The following NUPR2 variants were observed in gnomAD, a reference collection of about 807,000 sequenced individuals.
The protein encoded by NUPR2 is nuclear protein 2, transcriptional regulator, also known as nuclear protein 2.
Under a neutral mutation model 7.3 loss-of-function variants are expected in NUPR2, and 14 were observed. The ratio of observed to expected loss-of-function variants is 1.93; its 90% CI spans 1.27 to 3.01. The LOEUF (loss-of-function observed/expected upper bound fraction) is 3.01. NUPR2 is among the 30% of genes most tolerant of loss of function. The pLI, the probability that NUPR2 is intolerant of heterozygous loss-of-function variation, is 0.00. For synonymous variants in NUPR2, 56 were observed against 59.7 expected (o/e 0.94, Z 0.29); for missense variants, 162 against 143.7 (o/e 1.13, Z -0.65).
In NUPR2 at chr7:56,116,106, C is replaced by T. The variant is rs1211447947; in HGVS notation, c.209G>A (p.Arg70His). The stretch of plus-strand genomic sequence containing the variant: ...ATTGAGGAGCTTCTGCGCGACCTTG[C>T]GCTCGTGCCCGCCAGGTGCAGGCCA... The part of the protein sequence containing the change: ...TNWPAPGGHE[R>H]KVAQKLLNGQ... The change falls in exon 1 of 2, where the codon CGC becomes CAC. Residue 70 changes from arginine (R) to histidine (H), a missense_variant. Physicochemically the swap from Arg to His is conservative, Grantham distance 29 (BLOSUM62 0). Transcript: ENST00000329309. 6 of 1,539,804 alleles carry T rather than the reference C, an allele frequency of 3.9e-6. No individual in the cohort carries two copies. The African/African-American group carries it at 5.6e-5, about 14-fold the overall frequency.
rs1263692050 is a variant in NUPR2, at chr7:56,114,831, C to A, written c.*73G>T. ...AAGTTCTGTTGACCAAACATGGATT[C>A]TCTCCTCCTCAGAACCAAGTTACAG... On this transcript the variant is annotated 3_prime_UTR_variant, in exon 2 of 2. Transcript: ENST00000329309. 2.0e-5 allele frequency: 3 copies of A among 152,248 alleles called. No individual in the cohort carries two copies. The highest frequency in any genetic ancestry group is 4.4e-5 in the Non-Finnish European group (3 of 68,050). The allele number at this position is 152,248 out of a possible 1,614,324, so 9.4% of individuals were successfully genotyped here.
Position 56,116,203 on chromosome 7 carries a change from G to T in NUPR2, c.112C>A (p.Arg38Ser). 1 of 1,548,854 alleles carries T rather than the reference G, an allele frequency of 6.5e-7. No individual in the cohort carries two copies. Among genetic ancestry groups the T allele is most frequent in the Non-Finnish European group, 8.7e-7 (1 of 1,145,962 alleles). Residue 38 changes from arginine to serine, a missense_variant, in exon 1 of 2, where the codon CGC (arginine) becomes AGC (serine). By Grantham distance (110) the Arg-to-Ser change is moderately radical. Coordinates refer to ENST00000329309, the MANE Select transcript of NUPR2 (RefSeq NM_001145712.2). ...LYDCLDYYYLRDFPACGAGRS... is the reference protein window; with the variant it reads ...LYDCLDYYYLSDFPACGAGRS... ...CCTGCCCCGCAGGCCGGGAAGTCGC[G>T]CAGGTAGTAGTAGTCCAGGCAGTCG...
At position 56,116,206 on chromosome 7, in the gene NUPR2, GGTA is replaced by G; in HGVS notation, c.106_108del (p.Tyr36del). 6.5e-7 allele frequency: 1 copy of G among 1,548,732 alleles called. No individual in the cohort carries two copies. The highest frequency in any genetic ancestry group is 1.4e-5 in the African/African-American group (1 of 72,494). On this transcript the variant is annotated inframe_deletion, in exon 1 of 2. Coordinates refer to ENST00000329309, the MANE Select transcript of NUPR2 (RefSeq NM_001145712.2). ...GCCCCGCAGGCCGGGAAGTCGCGCA[GGTA>G]GTAGTAGTCCAGGCAGTCGTAAAGC...
At position 56,114,725 on chromosome 7, in the gene NUPR2, C is replaced by T. The variant is rs1037493259; in HGVS notation, c.*179G>A. ...TTTTAATTAATAAACTCTAAAAAGG[C>T]TAATCCACTTGGGCACTACTTAATT... On this transcript the variant is annotated 3_prime_UTR_variant, in exon 2 of 2. Transcript: ENST00000329309. 6.6e-6 allele frequency: 1 copy of T among 151,952 alleles called. No individual in the cohort carries two copies. The highest frequency in any genetic ancestry group is 6.6e-5 in the Admixed American group (1 of 15,218). The allele number at this position is 151,952 out of a possible 1,614,324, so 9.4% of individuals were successfully genotyped here.
In NUPR2 at chr7:56,115,437, G is replaced by GTATATATATATATA. The variant is rs1320810978; in HGVS notation, c.*7-541_*7-540insTATATATATATATA. Among the ~76,000 whole-genome samples the GTATATATATATATA allele has an allele frequency of 5.5e-4, 8 of 14,598 alleles. 1 individual carries two copies. The highest frequency in any genetic ancestry group is 7.5e-4 in the African/African-American group (2 of 2,654). The allele number at this position is 14,598 out of a possible 152,430, so 9.6% of individuals were successfully genotyped here. On this transcript the variant is annotated intron_variant, in intron 1 of 1. Transcript: ENST00000329309. ...TATATATATATATATATTTGTGTGT[G>GTATATATATATATA]TGTGTGTGTGTGTGTGTGTGTGTGT...
In NUPR2 at chr7:56,116,152, C is replaced by G; in HGVS notation, c.163G>C (p.Glu55Gln). The G allele has an allele frequency of 6.5e-7, 1 of 1,547,084 alleles. No individual in the cohort carries two copies. The highest frequency in any genetic ancestry group is 2.0e-5 in the Admixed American group (1 of 50,798). ...GGCCAGTTGGTGCGCAGCGCCTGCT[C>G]GCGCCGAGTCCGGCCCTTGCTGCGC... ...AGRSKGRTRR[E>Q]QALRTNWPAP... The change falls in exon 1 of 2, where the codon GAG (glutamate) becomes CAG (glutamine). Residue 55 changes from glutamate (E) to glutamine (Q), a missense_variant. By Grantham distance (29) the Glu-to-Gln change is conservative. Transcript: ENST00000329309.
At position 56,116,305 on chromosome 7, in the gene NUPR2, G is replaced by C. The variant is rs1785552999; in HGVS notation, c.10C>G (p.Pro4Ala). ...AGACGTGGAAGCGCCCGCTCTGCGG[G>C]CGCTTCCATCCTGCCCAGGCCTGTG... Reference protein sequence around the residue: MEAPAERALPRLQA... With the variant: MEAAAERALPRLQA... Residue 4 changes from proline to alanine, a missense_variant, in exon 1 of 2, where the codon CCC becomes GCC. Physicochemically the swap from Pro to Ala is conservative, Grantham distance 27 (BLOSUM62 -1). Transcript: ENST00000329309. 9 of 1,441,232 alleles carry C rather than the reference G, an allele frequency of 6.2e-6. No homozygotes were observed. The highest frequency in any genetic ancestry group is 6.3e-6 in the Non-Finnish European group (7 of 1,104,520). The allele number at this position is 1,441,232 out of a possible 1,614,324, so 89.3% of individuals were successfully genotyped here.
chr7:56,115,480 G>A (rs1371415459), intron 1 of NUPR2, among the ~76,000 whole-genome samples: 2 of 46,744 alleles, frequency 4.3e-5, no homozygotes, highest in South Asian at 7.6e-4. Context: ...TGTGTGTGAC[G>A]GAGTCTCGCT....
rs1562891898 is a variant in NUPR2, at chr7:56,115,439, G to GTATATATATATATATATT, written c.*7-543_*7-542insAATATATATATATATATA. Among the ~76,000 whole-genome samples the GTATATATATATATATATT allele has an allele frequency of 3.4e-4, 12 of 34,976 alleles. No homozygotes were observed. In the East Asian group the frequency reaches 9.6e-3, roughly 28 times the overall value. The allele number at this position is 34,976 out of a possible 152,430, so 22.9% of individuals were successfully genotyped here. On this transcript the variant is annotated intron_variant, in intron 1 of 1. Coordinates refer to ENST00000329309, the MANE Select transcript of NUPR2 (RefSeq NM_001145712.2). ...TATATATATATATATTTGTGTGTGTGTGTGTGTGTGTGTGTGTGTGTGTGT... is the reference window on the plus strand; with the variant it reads ...TATATATATATATATTTGTGTGTGTGTATATATATATATATATTTGTGTGTGTGTGTGTGTGTGTGTGT...
Position 56,115,625 on chromosome 7 carries a change from T to TATATATA in NUPR2, c.*6+389_*6+390insTATATAT, listed in dbSNP as rs1310935505. On this transcript the variant is annotated intron_variant, in intron 1 of 1. Coordinates refer to ENST00000329309, the MANE Select transcript of NUPR2 (RefSeq NM_001145712.2). The stretch of plus-strand genomic sequence containing the variant: ...CGCGCACCACAGTGCCTGGCTAATT[T>TATATATA]TATATATATATATATATATATATTT... Among the ~76,000 whole-genome samples the TATATATA allele has an allele frequency of 6.7e-5, 7 of 105,210 alleles. 1 individual carries two copies. Among genetic ancestry groups the TATATATA allele is most frequent in the African/African-American group, 2.7e-4 (7 of 26,280 alleles). 69.0% of individuals were successfully genotyped at this position (105,210 alleles called of 152,430 possible).
chr7:56,116,115 C>T lies in NUPR2; in HGVS notation c.200G>A (p.Gly67Glu). 4 of 1,541,578 alleles carry T rather than the reference C, an allele frequency of 2.6e-6. No homozygotes were observed. In the Middle Eastern group the frequency reaches 5.2e-4, roughly 201 times the overall value. ...CTTCTGCGCGACCTTGCGCTCGTGC[C>T]CGCCAGGTGCAGGCCAGTTGGTGCG... ...ALRTNWPAPG[G>E]HERKVAQKLL... The change falls in exon 1 of 2, where the codon GGG (glycine) becomes GAG (glutamate). Residue 67 changes from glycine (G) to glutamate (E), a missense_variant. Gly to Glu is a moderately conservative substitution (Grantham distance 98, BLOSUM62 -2). Transcript: ENST00000329309.
rs57272607 is a variant in NUPR2 at position 56,115,625 on chromosome 7, TTATATA to T, written c.*6+384_*6+389del. ...CGCGCACCACAGTGCCTGGCTAATT[TTATATA>T]TATATATATATATATATTTTAGTAG... On this transcript the variant is annotated intron_variant, in intron 1 of 1. Coordinates refer to ENST00000329309, the MANE Select transcript of NUPR2 (RefSeq NM_001145712.2). Among the ~76,000 whole-genome samples the T allele has an allele frequency of 7.7e-4, 81 of 105,184 alleles. 5 individuals are homozygous for T. Among genetic ancestry groups the T allele is most frequent in the African/African-American group, 2.2e-3 (58 of 26,274 alleles). The allele number at this position is 105,184 out of a possible 152,430, so 69.0% of individuals were successfully genotyped here.
Position 56,115,429 on chromosome 7 carries a change from T to TTGTG in NUPR2, c.*7-536_*7-533dup, listed in dbSNP as rs59426127. On this transcript the variant is annotated intron_variant, in intron 1 of 1. Transcript: ENST00000329309. ...TATATATATATATATATATATATAT[T>TTGTG]TGTGTGTGTGTGTGTGTGTGTGTGT... is the stretch of plus-strand genomic sequence containing the variant. 2.7e-3 allele frequency among the ~76,000 whole-genome samples: 83 copies of TTGTG among 31,000 alleles called. 13 individuals carry two copies. Among genetic ancestry groups the TTGTG allele is most frequent in the Non-Finnish European group, 3.7e-3 (68 of 18,440 alleles). The allele number at this position is 31,000 out of a possible 152,430, so 20.3% of individuals were successfully genotyped here. A position where few individuals can be genotyped will look rare whatever the true frequency, so the allele number is the denominator to read the frequency against.
chr7:56,115,243 T>C (rs1785519878), intron 1 of NUPR2, among the ~76,000 whole-genome samples: 2 of 150,178 alleles, frequency 1.3e-5, no homozygotes, highest in Non-Finnish European at 1.5e-5. Context: ...GCCCAATTAC[T>C]TTCTTCAGTC....
Position 56,114,939 on chromosome 7 carries a change from T to C in NUPR2, c.*7-42A>G, listed in dbSNP as rs548358259. 1.1e-3 allele frequency: 161 copies of C among 152,260 alleles called. 4 individuals are homozygous for C. The highest frequency in any genetic ancestry group is 0.01 in the Admixed American group (159 of 15,290). The allele number at this position is 152,260 out of a possible 1,614,324, so 9.4% of individuals were successfully genotyped here. ...CAAAAACGCAGGTCATTTACTTTTT[T>C]GTTTTTCTTTTTTTGACACAGGGTC... On this transcript the variant is annotated intron_variant, in intron 1 of 1. Transcript: ENST00000329309.
Position 56,116,315 on chromosome 7 carries a change from C to A in NUPR2, c.-1G>T. The A allele has an allele frequency of 1.5e-6, 2 of 1,357,158 alleles. No homozygotes were observed. Among genetic ancestry groups the A allele is most frequent in the Non-Finnish European group, 1.9e-6 (2 of 1,048,372 alleles). The allele number at this position is 1,357,158 out of a possible 1,614,324, so 84.1% of individuals were successfully genotyped here. A position where few individuals can be genotyped will look rare whatever the true frequency, so the allele number is the denominator to read the frequency against. On this transcript the variant is annotated 5_prime_UTR_variant, in exon 1 of 2. Coordinates refer to ENST00000329309, the MANE Select transcript of NUPR2 (RefSeq NM_001145712.2). ...GCGCCCGCTCTGCGGGCGCTTCCAT[C>A]CTGCCCAGGCCTGTGGCCACCGGCG...
chr7:56,116,276 C>G lies in NUPR2; in HGVS notation c.39G>C (p.Gln13His). The change falls in exon 1 of 2, where the codon CAG becomes CAC. Residue 13 changes from glutamine to histidine, a missense_variant. By Grantham distance (24) the Gln-to-His change is conservative. Transcript: ENST00000329309. ...APAERALPRL[Q>H]ALARPPPPIS... is the part of the protein sequence containing the mutation. ...TGGGTGGCGGCGGCCGAGCCAGAGC[C>G]TGCAGACGTGGAAGCGCCCGCTCTG... 6.6e-7 allele frequency: 1 copy of G among 1,504,532 alleles called. No homozygotes were observed. The highest frequency in any genetic ancestry group is 8.8e-7 in the Non-Finnish European group (1 of 1,130,480). 93.2% of individuals were successfully genotyped at this position (1,504,532 alleles called of 1,614,324 possible).
At chr7:56,115,435 G>GTATATATA (rs1306832660) in intron 1 of NUPR2, among the ~76,000 whole-genome samples, 1 of 32,230 alleles carries the variant, frequency 3.1e-5, no homozygotes, top group African/African-American at 1.6e-4. Flanking sequence ...ATATTTGTGT[G>GTATATATA]TGTGTGTGTG....
intron 1 of NUPR2, among the ~76,000 whole-genome samples, chr7:56,115,334 G>A (rs572471119): frequency 5.8e-4 from 82 of 140,878 alleles, no homozygotes; most frequent in African/African-American, 2.2e-3. Flanking sequence ...ACCCAGGCTG[G>A]AGAGCAGTGG....
Sources: allele counts gnomAD v4.1 joint callset (sites outside exome capture counted in the v4.1 genomes callset), GRCh38; gene constraint gnomAD v4.1.1; transcripts MANE v1.5; gene names NCBI Gene and HGNC (gene_info 2026-07-23, HGNC 2026-07-21).